Variants in FHAD1 observed in about 807,000 individuals in gnomAD.
The protein encoded by FHAD1 is forkhead-associated domain-containing protein 1.
Under a neutral mutation model 191.3 loss-of-function variants are expected in FHAD1, and 146 were observed. The observed-to-expected ratio is 0.76, with a 90% CI of 0.67 to 0.88. The LOEUF is 0.88. Among genes scored for constraint, FHAD1 ranks in the 40% least tolerant of loss-of-function variants. The pLI, the probability that FHAD1 is intolerant of heterozygous loss-of-function variation, is 0.00. For synonymous variants in FHAD1, 616 were observed against 672.3 expected (o/e 0.92, Z 1.29); for missense variants, 1,635 against 1,785.8 (o/e 0.92, Z 1.52).
Position 15,381,462 on chromosome 1 carries a change from A to AC in FHAD1, c.4022+16dup, listed in dbSNP as rs369295843. ...CGTTGAACAGCTCAGGTACCTCGGC[A>AC]CCCCCATGTCCCCACAGAAAGGCCC... On this transcript the variant is annotated intron_variant, in intron 30 of 33. Transcript: ENST00000688493. This position sits in a 1 kb window ranked among gnomAD's most constrained non-coding sequence, Gnocchi z 4.6. 68 of 1,546,974 alleles carry AC rather than the reference A, an allele frequency of 4.4e-5. No individual in the cohort carries two copies. The highest frequency in any genetic ancestry group is 5.6e-5 in the Non-Finnish European group (64 of 1,143,946).
In FHAD1 at chr1:15,360,106, C is replaced by A. The variant is rs1238998098; in HGVS notation, c.2737-372C>A. Reference sequence around the variant, plus strand: ...CTAATGTGGGTGACAGAGCAAGACTCTGTCTCAAAACAAACAACAACAACA... The same window carrying A: ...CTAATGTGGGTGACAGAGCAAGACTATGTCTCAAAACAAACAACAACAACA... On this transcript the variant is annotated intron_variant, in intron 21 of 33. Coordinates refer to ENST00000688493, the MANE Select transcript of FHAD1 (RefSeq NM_001391957.1). Among the ~76,000 whole-genome samples the A allele has an allele frequency of 2.0e-5, 3 of 152,166 alleles. No individual in the cohort carries two copies. The East Asian group carries it at 5.8e-4, about 29-fold the overall frequency.
chr1:15,388,469 C>T, intron 32 of FHAD1: 1 of 1,023,726 alleles, frequency 9.8e-7, no homozygotes, highest in Non-Finnish European at 1.2e-6. Context: ...GCTCATGGAG[C>T]AGCCATCCTA....
At chr1:15,385,587 C>A (rs1025081360) in intron 31 of FHAD1, among the ~76,000 whole-genome samples, 4 of 152,076 alleles carry the variant, frequency 2.6e-5, no homozygotes, top group African/African-American at 9.7e-5. Flanking sequence ...GCCTGGGCAA[C>A]ATAGCAAGAC....
At position 15,239,352 on chromosome 1, in the gene FHAD1, C is replaced by T. The variant is rs1645112998; in HGVS notation, c.-15+2591C>T. ...CTGTAATCCCAGCACTTTGAGAGGC[C>T]GAGGTGGGCGGATCACTTGAGGTCA... is the stretch of plus-strand genomic sequence containing the variant. On this transcript the variant is annotated intron_variant, in intron 1 of 33. Transcript: ENST00000683790. 1.3e-5 allele frequency among the ~76,000 whole-genome samples: 2 copies of T among 152,020 alleles called. 1 individual carries two copies. Among genetic ancestry groups the T allele is most frequent in the South Asian group, 4.1e-4 (2 of 4,820 alleles).
intron 2 of FHAD1, among the ~76,000 whole-genome samples, chr1:15,260,591 G>A (rs558939859): frequency 2.0e-5 from 3 of 152,286 alleles, no homozygotes; most frequent in African/African-American, 7.2e-5. Context: ...CTATAGAACC[G>A]AGGCCTCTGT....
intron 20 of FHAD1, 34 bp from the exon 21 acceptor site, chr1:15,358,076 T>C: frequency 5.6e-6 from 8 of 1,436,184 alleles, no homozygotes; most frequent in Non-Finnish European, 7.4e-6. Flanking sequence ...TATTCCTGAA[T>C]GTCTGTTATT....
chr1:15,345,337 G>A (rs1688460295), intron 17 of FHAD1, 79 bp from the exon 18 acceptor site: 2 of 1,421,872 alleles, frequency 1.4e-6, no homozygotes, highest in East Asian at 2.5e-5. Context: ...GGAGGGAAGA[G>A]GAAACCTGTG....
At chr1:15,271,173 C>A (rs1289264917) in intron 2 of FHAD1, among the ~76,000 whole-genome samples, 1 of 135,502 alleles carries the variant, frequency 7.4e-6, no homozygotes, top group South Asian at 2.3e-4. Flanking sequence ...ATTAGCTGGG[C>A]GTGGTAGCAC....
intron 16 of FHAD1, among the ~76,000 whole-genome samples, chr1:15,344,706 T>C (rs1688165977): frequency 6.6e-6 from 1 of 152,234 alleles, no homozygotes; most frequent in Admixed American, 6.5e-5. Context: ...GATTCTTGAA[T>C]GTAAGCCTGT....
chr1:15,359,887 T>C (rs943521187), intron 21 of FHAD1, among the ~76,000 whole-genome samples: 5 of 151,926 alleles, frequency 3.3e-5, no homozygotes, highest in African/African-American at 9.7e-5. Flanking sequence ...GAGGCGGAGC[T>C]TGCAGTGAGC....
chr1:15,358,045 T>A, intron 20 of FHAD1, 65 bp from the exon 21 acceptor site: 1 of 1,184,236 alleles, frequency 8.4e-7, no homozygotes. Context: ...AGGTGGGGGA[T>A]AAGGGGGCTG....
chr1:15,273,037 C>T (rs924160243), intron 3 of FHAD1, among the ~76,000 whole-genome samples: 1 of 152,120 alleles, frequency 6.6e-6, no homozygotes, highest in Non-Finnish European at 1.5e-5. Context: ...TCTGTGAAGT[C>T]CGAGCCAGTG....
rs1672790477 is a variant in FHAD1 at position 15,313,110 on chromosome 1, C to A, written c.1093C>A (p.Gln365Lys). ...ATTAGCAAAGGATGAGCAAGTTCAA[C>A]AACTAAAGGAAGAGGTCAGTCACCT... is the stretch of plus-strand genomic sequence containing the variant. ...DILAKDEQVQ[Q>K]LKEEVSHLKS... is the part of the protein sequence containing the mutation. The change falls in exon 8 of 34, where the codon CAA becomes AAA. Residue 365 changes from glutamine to lysine, a missense_variant. Physicochemically the swap from Gln to Lys is moderately conservative, Grantham distance 53. Transcript: ENST00000688493. 6.4e-7 allele frequency: 1 copy of A among 1,551,666 alleles called. No individual in the cohort carries two copies. The highest frequency in any genetic ancestry group is 8.7e-7 in the Non-Finnish European group (1 of 1,147,014).
At chr1:15,382,233 C>T (rs577994266) in intron 31 of FHAD1, 40 bp downstream of exon 31, 46 of 1,539,662 alleles carry the variant, frequency 3.0e-5, no homozygotes, top group Non-Finnish European at 4.0e-5. Flanking sequence ...CCCAGGCTGC[C>T]CTGCAGCTCC....
At chr1:15,379,069 C>T (rs1192241881) in intron 28 of FHAD1, among the ~76,000 whole-genome samples, 1 of 151,274 alleles carries the variant, frequency 6.6e-6, no homozygotes, top group Non-Finnish European at 1.5e-5. Context: ...TAAGGTGGAA[C>T]GAGAGACTTG....
rs58695097 is a variant in FHAD1 at position 15,389,407 on chromosome 1, C to T, written c.4269+1276C>T. ...GTTGCGATGAGCCACATAAGCATCC[C>T]GCTAAACTCTAGCCTGAGCAACAGA... is the stretch of plus-strand genomic sequence containing the variant. On this transcript the variant is annotated intron_variant, in intron 32 of 33. Coordinates refer to ENST00000688493, the MANE Select transcript of FHAD1 (RefSeq NM_001391957.1). 4.2e-3 allele frequency among the ~76,000 whole-genome samples: 576 copies of T among 136,554 alleles called. 6 individuals are homozygous for T. Among genetic ancestry groups the T allele is most frequent in the African/African-American group, 0.015 (510 of 33,554 alleles). 89.6% of individuals were successfully genotyped at this position (136,554 alleles called of 152,430 possible). A position where few individuals can be genotyped will look rare whatever the true frequency, so the allele number is the denominator to read the frequency against.
At chr1:15,317,293 C>T (rs907255004) in intron 9 of FHAD1, among the ~76,000 whole-genome samples, 1 of 152,226 alleles carries the variant, frequency 6.6e-6, no homozygotes, top group African/African-American at 2.4e-5. Flanking sequence ...TCCTGACGCC[C>T]TCCGAATCCA....
At chr1:15,291,974 G>T (rs1015869362) in intron 4 of FHAD1, among the ~76,000 whole-genome samples, 1 of 152,174 alleles carries the variant, frequency 6.6e-6, no homozygotes, top group African/African-American at 2.4e-5. Context: ...TTAAGATCCA[G>T]CCTCAGGAGT....
At chr1:15,342,818 C>T (rs951107541) in intron 16 of FHAD1, among the ~76,000 whole-genome samples, 2 of 151,984 alleles carry the variant, frequency 1.3e-5, no homozygotes, top group Non-Finnish European at 2.9e-5. Flanking sequence ...TGGCACTACA[C>T]CCAGCTAATT....
Sources: gnomAD v4.1 joint callset for allele counts (sites outside exome capture counted in the v4.1 genomes callset) on GRCh38, gnomAD v4.1.1 for gene constraint, Gnocchi (gnomAD v3.1) non-coding constraint, MANE v1.5 for transcripts, NCBI Gene and HGNC (gene_info 2026-07-23, HGNC 2026-07-21) for gene names.